The following TEKT3 variants were observed in gnomAD, a reference collection of about 807,000 sequenced individuals.
TEKT3 encodes the protein tektin 3.
Under a neutral mutation model 49.8 loss-of-function variants are expected in TEKT3, and 49 were observed. The ratio of observed to expected loss-of-function variants is 0.98; its 90% CI spans 0.78 to 1.25. TEKT3 has a LOEUF of 1.25. Ranked by LOEUF, TEKT3 falls within the 50% of genes most tolerant of loss-of-function variation. The pLI, the probability that TEKT3 is intolerant of heterozygous loss-of-function variation, is 0.00. For missense variants in TEKT3, 595 were observed against 629.5 expected (o/e 0.95, Z 0.59); for synonymous variants, 225 against 237.2 (o/e 0.95, Z 0.47).
At chr17:15,338,067 C>A (rs1912061895) in intron 2 of TEKT3, among the ~76,000 whole-genome samples, 1 of 151,986 alleles carries the variant, frequency 6.6e-6, no homozygotes, top group African/African-American at 2.4e-5. Flanking sequence ...ACACCTAAAG[C>A]AAAAATTGAC....
chr17:15,309,712 G>A (rs1910691787), intron 7 of TEKT3, among the ~76,000 whole-genome samples: 1 of 152,002 alleles, frequency 6.6e-6, no homozygotes, highest in Non-Finnish European at 1.5e-5. Flanking sequence ...TTCAACCATG[G>A]CTGTGCCCAC....
At chr17:15,318,511 C>T (rs1216249472) in intron 5 of TEKT3, among the ~76,000 whole-genome samples, 1 of 152,136 alleles carries the variant, frequency 6.6e-6, no homozygotes, top group African/African-American at 2.4e-5. Context: ...AAATTTACAG[C>T]AAGTACTCCA....
chr17:15,310,171 C>T (rs929997371), intron 7 of TEKT3, among the ~76,000 whole-genome samples: 2 of 152,238 alleles, frequency 1.3e-5, no homozygotes, highest in African/African-American at 2.4e-5. Flanking sequence ...TTCTTGTAAA[C>T]TGTGTTCACA....
At chr17:15,338,863 C>G (rs1337706993) in intron 2 of TEKT3, among the ~76,000 whole-genome samples, 1 of 151,846 alleles carries the variant, frequency 6.6e-6, no homozygotes, top group Non-Finnish European at 1.5e-5. Context: ...GATCATTAAC[C>G]GATGCTATAA....
intron 7 of TEKT3, chr17:15,311,440 T>G (rs1567574013): frequency 6.6e-6 from 1 of 152,202 alleles, no homozygotes; most frequent in Admixed American, 6.5e-5. Context: ...TCATGAAACG[T>G]TACATAGGTT....
At chr17:15,328,099 A>G in intron 3 of TEKT3, 24 bp from the exon 4 acceptor site, 1 of 1,600,668 alleles carries the variant, frequency 6.2e-7, no homozygotes, top group Non-Finnish European at 8.6e-7. Context: ...GATAATGGAA[A>G]GCACTAATAA....
intron 4 of TEKT3, among the ~76,000 whole-genome samples, chr17:15,324,242 T>C (rs974152840): frequency 6.6e-6 from 1 of 152,242 alleles, no homozygotes; most frequent in African/African-American, 2.4e-5. Context: ...ATGTTTTCAA[T>C]ATTCATCCAT....
At chr17:15,333,550 A>G (rs936361250) in intron 2 of TEKT3, among the ~76,000 whole-genome samples, 1 of 152,130 alleles carries the variant, frequency 6.6e-6, no homozygotes, top group Admixed American at 6.5e-5. Flanking sequence ...CTTTGCTTCA[A>G]TTTGAAACTT....
At position 15,309,064 on chromosome 17, in the gene TEKT3, C is replaced by A. The variant is rs1221312275; in HGVS notation, c.1102-246G>T. On this transcript the variant is annotated intron_variant, in intron 7 of 8. Coordinates refer to ENST00000395930, the MANE Select transcript of TEKT3 (RefSeq NM_031898.3). ...CTCTCCCCAACCCTAGGCTTGGCAA[C>A]CTCATTTTGGTAGCTGGAAATCAGC... 2.6e-5 allele frequency among the ~76,000 whole-genome samples: 4 copies of A among 152,126 alleles called. No homozygotes were observed. In the East Asian group the frequency reaches 7.7e-4, roughly 29 times the overall value.
intron 4 of TEKT3, among the ~76,000 whole-genome samples, chr17:15,323,457 G>C (rs998929926): frequency 6.6e-6 from 1 of 151,978 alleles, no homozygotes; most frequent in South Asian, 2.1e-4. Context: ...GAGTCAGTAC[G>C]GTCTGGGAGT....
rs58481435 is a variant in TEKT3 at position 15,333,722 on chromosome 17, GTTTAT to G, written c.-29-2113_-29-2109del. Among the ~76,000 whole-genome samples, 981 of 144,320 alleles carry G rather than the reference GTTTAT, an allele frequency of 6.8e-3. 9 individuals carry two copies. Among genetic ancestry groups the G allele is most frequent in the East Asian group, 0.024 (115 of 4,836 alleles). The allele number at this position is 144,320 out of a possible 152,430, so 94.7% of individuals were successfully genotyped here. A position where few individuals can be genotyped will look rare whatever the true frequency, so the allele number is the denominator to read the frequency against. ...GATGGACCACTCCTACTTGGCTTTG[GTTTAT>G]TTTATTTTATTTTATTTTATTTTAT... is the stretch of plus-strand genomic sequence containing the variant. On this transcript the variant is annotated intron_variant, in intron 2 of 8. Coordinates refer to ENST00000395930, the MANE Select transcript of TEKT3 (RefSeq NM_031898.3).
At chr17:15,315,896 C>G (rs1463822288) in intron 5 of TEKT3, among the ~76,000 whole-genome samples, 1 of 152,186 alleles carries the variant, frequency 6.6e-6, no homozygotes, top group African/African-American at 2.4e-5. Flanking sequence ...TTTGGTAGAG[C>G]AAAGCCGTTC....
chr17:15,324,241 A>G (rs963079043), intron 4 of TEKT3, among the ~76,000 whole-genome samples: 4 of 152,214 alleles, frequency 2.6e-5, no homozygotes, highest in Admixed American at 2.0e-4. Context: ...AATGTTTTCA[A>G]TATTCATCCA....
chr17:15,310,364 G>A (rs543209344), intron 7 of TEKT3, among the ~76,000 whole-genome samples: 11 of 152,262 alleles, frequency 7.2e-5, no homozygotes, highest in East Asian at 1.9e-4. Context: ...GTTGAAGTAC[G>A]AATCGCCAGT....
Position 15,331,296 on chromosome 17 carries a change from T to A in TEKT3, c.290A>T (p.Asp97Val), listed in dbSNP as rs1426816115. 6.2e-7 allele frequency: 1 copy of A among 1,614,084 alleles called. No individual in the cohort carries two copies. The highest frequency in any genetic ancestry group is 8.5e-7 in the Non-Finnish European group (1 of 1,180,044). The change falls in exon 3 of 9, where the codon GAT (aspartate) becomes GTT (valine). Residue 97 changes from aspartate to valine, a missense_variant. Transcript: ENST00000395930. ...GGTTAAATTGGACCTGTACCAGTCA[T>A]CCGGTGTGTATCTTGTGAAGAAAGT... The part of the protein sequence containing the change: ...RTTFFTRYTP[D>V]DWYRSNLTNY...
At chr17:15,305,393 C>T (rs1197208861) in intron 8 of TEKT3, among the ~76,000 whole-genome samples, 1 of 152,124 alleles carries the variant, frequency 6.6e-6, no homozygotes, top group Non-Finnish European at 1.5e-5. Context: ...AGTTTAAGTG[C>T]CAAAGTTTGG....
At chr17:15,321,681 C>T (rs1267030086) in intron 4 of TEKT3, among the ~76,000 whole-genome samples, 2 of 152,166 alleles carry the variant, frequency 1.3e-5, no homozygotes, top group African/African-American at 4.8e-5. Context: ...TTTCCAGATC[C>T]CTGACTTAGG....
Position 15,304,006 on chromosome 17 carries a change from A to G in TEKT3, c.1403T>C (p.Ile468Thr). The G allele has an allele frequency of 6.2e-7, 1 of 1,614,044 alleles. No individual in the cohort carries two copies. Residue 468 changes from isoleucine to threonine, a missense_variant, in exon 9 of 9, where the codon ATC (isoleucine) becomes ACC (threonine). Physicochemically the swap from Ile to Thr is moderately conservative, Grantham distance 89. Coordinates refer to ENST00000395930, the MANE Select transcript of TEKT3 (RefSeq NM_031898.3). This position sits in a 1 kb window ranked among gnomAD's most constrained non-coding sequence, Gnocchi z 4.7. Reference sequence around the variant, plus strand: ...CATGCTCATGCATTTTTCCTGGTCGATGTACAGGGAATTGGCTTTGACAGC... The same window carrying G: ...CATGCTCATGCATTTTTCCTGGTCGGTGTACAGGGAATTGGCTTTGACAGC... Reference protein sequence around the residue: ...DLAVKANSLYIDQEKCMSMRK... With the variant: ...DLAVKANSLYTDQEKCMSMRK...
At chr17:15,331,763 A>G in intron 2 of TEKT3, 149 bp from the exon 3 acceptor site, 1 of 607,978 alleles carries the variant, frequency 1.6e-6, no homozygotes, top group East Asian at 2.8e-5. Context: ...CACATTCACC[A>G]TTGATAATAT....
Sources: gnomAD v4.1 joint callset for allele counts (sites outside exome capture counted in the v4.1 genomes callset) on GRCh38, gnomAD v4.1.1 for gene constraint, Gnocchi (gnomAD v3.1) non-coding constraint, MANE v1.5 for transcripts, NCBI Gene and HGNC (gene_info 2026-07-23, HGNC 2026-07-21) for gene names.